Variants in MTHFD1L observed in about 807,000 individuals in gnomAD.
MTHFD1L encodes methylenetetrahydrofolate dehydrogenase (NADP+ dependent) 1 like.
A neutral mutation model predicts 119.5 loss-of-function variants in MTHFD1L; 81 were observed. That is an observed-to-expected ratio of 0.68 (90% CI 0.57 to 0.82). The LOEUF (loss-of-function observed/expected upper bound fraction) is 0.82, where lower values mean the gene tolerates loss of function less well. Ranked by LOEUF, MTHFD1L falls within the 40% of genes least tolerant of loss-of-function variation. The pLI, the probability that MTHFD1L is intolerant of heterozygous loss-of-function variation, is 0.00. For synonymous variants in MTHFD1L, 430 were observed against 475.2 expected, an observed-to-expected ratio of 0.90 and a Z score of 1.24; for missense variants, 1,125 against 1,253.4, an observed-to-expected ratio of 0.90 and a Z score of 1.55.
intron 18 of MTHFD1L, among the ~76,000 whole-genome samples, chr6:150,961,733 T>C (rs1444775620): frequency 8.7e-6 from 1 of 115,284 alleles, no homozygotes; most frequent in Non-Finnish European, 2.1e-5. Flanking sequence ...GTAAATTCAA[T>C]AGATCAACGT....
intron 18 of MTHFD1L, among the ~76,000 whole-genome samples, chr6:150,964,159 G>A (rs570682085): frequency 6.6e-6 from 1 of 152,148 alleles, no homozygotes; most frequent in Non-Finnish European, 1.5e-5. Context: ...CTCAAAAAAA[G>A]AAAGAAAAGA....
intron 20 of MTHFD1L, among the ~76,000 whole-genome samples, chr6:150,983,958 G>A (rs1777901661): frequency 6.6e-6 from 1 of 152,024 alleles, no homozygotes; most frequent in Admixed American, 6.6e-5. Context: ...TTTTTCTGGA[G>A]ATGAGGTCTC....
In MTHFD1L at chr6:150,949,024, T is replaced by A. The variant is rs201336626; in HGVS notation, c.1624-7T>A. 1 of 1,609,740 alleles carries A rather than the reference T, an allele frequency of 6.2e-7. No homozygotes were observed. Among genetic ancestry groups the A allele is most frequent in the East Asian group, 2.2e-5 (1 of 44,850 alleles). The stretch of plus-strand genomic sequence containing the variant: ...AACTTCTCACCTTTTTTCTTCTTAA[T>A]CATTAGAAACTGGGAATAAATAAGA... On this transcript the variant is annotated splice_region_variant and splice_polypyrimidine_tract_variant and intron_variant, in intron 15 of 27. Coordinates refer to ENST00000367321, the MANE Select transcript of MTHFD1L (RefSeq NM_015440.5).
At chr6:151,018,663 G>A (rs549149169) in intron 24 of MTHFD1L, among the ~76,000 whole-genome samples, 23 of 152,296 alleles carry the variant, frequency 1.5e-4, no homozygotes, top group African/African-American at 5.5e-4. Context: ...TCAAAAGTGT[G>A]TGTGTATTGG....
Position 150,869,950 on chromosome 6 carries a change from A to G in MTHFD1L, c.227+3901A>G, listed in dbSNP as rs1241059496. On this transcript the variant is annotated intron_variant, in intron 1 of 27. Transcript: ENST00000367321. ...ACACCCAGCTAATTTTTGTATTTTT[A>G]GTAGAGACGGGGTTTCACCATGTTG... Among the ~76,000 whole-genome samples the G allele has an allele frequency of 2.0e-5, 3 of 151,394 alleles. No individual in the cohort carries two copies. The South Asian group carries it at 6.2e-4, about 32-fold the overall frequency.
Position 151,092,553 on chromosome 6 carries a change from C to T in MTHFD1L, c.2934C>T (p.Phe978=). Residue 978 remains phenylalanine (F), a synonymous_variant, in exon 27 of 28, where the codon TTC becomes TTT. Coordinates refer to ENST00000367321, the MANE Select transcript of MTHFD1L (RefSeq NM_015440.5). ...AAACAGAACAAGTTAAAGGCTTGTTCTAAGTGGACAAGGCTCTCACAGGAC... is the reference window on the plus strand; with the variant it reads ...AAACAGAACAAGTTAAAGGCTTGTTTTAAGTGGACAAGGCTCTCACAGGAC... ...DTETEQVKGL[F] is the part of the protein sequence containing the mutation. 3 of 1,613,498 alleles carry T rather than the reference C, an allele frequency of 1.9e-6. No homozygotes were observed. The highest frequency in any genetic ancestry group is 2.5e-6 in the Non-Finnish European group (3 of 1,179,760).
At position 150,938,007 on chromosome 6, in the gene MTHFD1L, TTTTTTGTTTTTG is replaced by T. The variant is rs963661820; in HGVS notation, c.1394-675_1394-664del. Reference sequence around the variant, plus strand: ...TCATTTGAGGTGGTTATGCGGTGGTTTTTTTGTTTTTGTTTTTGTTTTTGTTTTGAGACAGAG... The same window carrying T: ...TCATTTGAGGTGGTTATGCGGTGGTTTTTTTGTTTTTGTTTTGAGACAGAG... On this transcript the variant is annotated intron_variant, in intron 12 of 27. Coordinates refer to ENST00000367321, the MANE Select transcript of MTHFD1L (RefSeq NM_015440.5). 3.9e-5 allele frequency among the ~76,000 whole-genome samples: 6 copies of T among 152,042 alleles called. No homozygotes were observed. In the South Asian group the frequency reaches 6.3e-4, roughly 16 times the overall value.
chr6:150,904,896 A>G (rs1032601740), intron 7 of MTHFD1L, among the ~76,000 whole-genome samples: 3 of 152,172 alleles, frequency 2.0e-5, no homozygotes, highest in Non-Finnish European at 4.4e-5. Context: ...AAAGAAAGTG[A>G]AATTCTTTCT....
chr6:150,971,483 G>A (rs1338460656), intron 19 of MTHFD1L, among the ~76,000 whole-genome samples: 1 of 152,192 alleles, frequency 6.6e-6, no homozygotes, highest in East Asian at 1.9e-4. Flanking sequence ...ACAGGCGTGA[G>A]TCACTGTGCC....
At chr6:150,959,817 A>G (rs906586776) in intron 17 of MTHFD1L, among the ~76,000 whole-genome samples, 5 of 152,176 alleles carry the variant, frequency 3.3e-5, no homozygotes, top group African/African-American at 1.2e-4. Context: ...TGCATATTGT[A>G]TGCCTACTGG....
At chr6:150,905,325 C>T (rs1785732363) in intron 7 of MTHFD1L, among the ~76,000 whole-genome samples, 2 of 152,102 alleles carry the variant, frequency 1.3e-5, no homozygotes, top group Admixed American at 1.3e-4. Flanking sequence ...AGCCACTATG[C>T]CCGGCTGCCC....
rs1265074978 is a variant in MTHFD1L at position 151,005,639 on chromosome 6, T to C, written c.2126-4180T>C. Among the ~76,000 whole-genome samples the C allele has an allele frequency of 2.0e-5, 3 of 152,156 alleles. No homozygotes were observed. The East Asian group carries it at 5.8e-4, about 29-fold the overall frequency. On this transcript the variant is annotated intron_variant, in intron 20 of 27. Coordinates refer to ENST00000367321, the MANE Select transcript of MTHFD1L (RefSeq NM_015440.5). Reference sequence around the variant, plus strand: ...CAATACAAAAATTAGCCGGGCATGATGGCGGGTGCCTGTGATCCCAGCTAC... The same window carrying C: ...CAATACAAAAATTAGCCGGGCATGACGGCGGGTGCCTGTGATCCCAGCTAC...
chr6:151,019,477 C>G (rs67140810), intron 24 of MTHFD1L, among the ~76,000 whole-genome samples: 34,850 of 151,938 alleles, frequency 0.23, 4,324 homozygotes, highest in Middle Eastern at 0.3. Context: ...ATTCTTCATG[C>G]AGATAATGCT....
At chr6:151,023,169 C>T (rs1205729770) in intron 24 of MTHFD1L, among the ~76,000 whole-genome samples, 9 of 151,948 alleles carry the variant, frequency 5.9e-5, no homozygotes, top group African/African-American at 2.2e-4. Flanking sequence ...GCCTCAGCCT[C>T]CTGAGTAGCT....
At chr6:150,918,832 G>C (rs1292651891) in intron 9 of MTHFD1L, among the ~76,000 whole-genome samples, 164 bp downstream of exon 9, 1 of 152,178 alleles carries the variant, frequency 6.6e-6, no homozygotes, top group African/African-American at 2.4e-5. Flanking sequence ...GAAAAATGAA[G>C]TGAGTTGCCT....
chr6:151,067,949 CA>C (rs1275466012), intron 26 of MTHFD1L, among the ~76,000 whole-genome samples: 4 of 152,334 alleles, frequency 2.6e-5, no homozygotes, highest in African/African-American at 9.6e-5. Context: ...TGCATGTAAA[CA>C]GAGGGTGGTT....
At chr6:150,980,326 G>A (rs1028532447) in intron 20 of MTHFD1L, among the ~76,000 whole-genome samples, 19 of 152,152 alleles carry the variant, frequency 1.2e-4, no homozygotes, top group East Asian at 1.9e-4. Flanking sequence ...GCTTGGTGCC[G>A]AAGCTCATTC....
chr6:151,039,656 C>T lies in MTHFD1L; in HGVS notation c.2847+2539C>T, dbSNP rs1328750587. Among the ~76,000 whole-genome samples, 1 of 152,104 alleles carries T rather than the reference C, an allele frequency of 6.6e-6. No homozygotes were observed. The highest frequency in any genetic ancestry group is 2.4e-5 in the African/African-American group (1 of 41,432). Reference sequence around the variant, plus strand: ...AGTCAGCCGGGTGCGGTGGCTCACGCCTGTAATCCCAGCACTTTGGGAGGC... The same window carrying T: ...AGTCAGCCGGGTGCGGTGGCTCACGTCTGTAATCCCAGCACTTTGGGAGGC... On this transcript the variant is annotated intron_variant, in intron 26 of 27. Transcript: ENST00000367321. The surrounding 1 kb of genome is among the most constrained non-coding windows in gnomAD (Gnocchi z 4.4).
At chr6:151,084,982 A>ATAT (rs1432214663) in intron 26 of MTHFD1L, among the ~76,000 whole-genome samples, 1 of 129,572 alleles carries the variant, frequency 7.7e-6, no homozygotes, top group African/African-American at 3.2e-5. Flanking sequence ...AAAAAAAAAA[A>ATAT]AAATATATAT....
Sources: gnomAD v4.1 joint callset for allele counts (sites outside exome capture counted in the v4.1 genomes callset) on GRCh38, gnomAD v4.1.1 for gene constraint, Gnocchi (gnomAD v3.1) non-coding constraint, MANE v1.5 for transcripts, NCBI Gene and HGNC (gene_info 2026-07-23, HGNC 2026-07-21) for gene names.